The following DHX15 variants were observed in gnomAD, a reference collection of about 807,000 sequenced individuals.
DHX15 encodes DEAH-box helicase 15, also known as ATP-dependent RNA helicase DHX15.
A neutral mutation model predicts 94.4 loss-of-function variants in DHX15; 11 were observed. The observed-to-expected ratio is 0.12, with a 90% confidence interval of 0.07 to 0.19. DHX15 has a LOEUF of 0.19. Ranked by LOEUF, DHX15 falls within the 10% of genes least tolerant of loss-of-function variation. The pLI, the probability that DHX15 is intolerant of heterozygous loss-of-function variation, is 1.00. For missense variants in DHX15, 304 were observed against 988.5 expected, an observed-to-expected ratio of 0.31 and a Z score of 9.29; for synonymous variants, 338 against 329.9, an observed-to-expected ratio of 1.02 and a Z score of -0.27.
At chr4:24,582,897 T>A (rs1392566138) in intron 1 of DHX15, among the ~76,000 whole-genome samples, 1 of 152,208 alleles carries the variant, frequency 6.6e-6, no homozygotes, top group African/African-American at 2.4e-5. Context: ...TGTCATTGTC[T>A]TTTTTACAAT....
Position 24,527,931 on chromosome 4 carries a change from T to C in DHX15, c.2381A>G (p.Gln794Arg). ...CAGTTCTAAGCACTGAATTCAGTACTGTGAATATTCCTTGGATTGAAGTTT... is the reference window on the plus strand; with the variant it reads ...CAGTTCTAAGCACTGAATTCAGTACCGTGAATATTCCTTGGATTGAAGTTT... ...IAKLQSKEYS[Q>R]Y The change falls in exon 14 of 14, where the codon CAG becomes CGG. Residue 794 changes from glutamine (Q) to arginine (R), a missense_variant. Gln to Arg is a conservative substitution (Grantham distance 43, BLOSUM62 1). This residue lies in a region of DHX15 where 14 missense variants were observed against 17.3 expected (regional missense o/e 0.81). Transcript: ENST00000336812. 1 of 1,609,312 alleles carries C rather than the reference T, an allele frequency of 6.2e-7. No homozygotes were observed. The highest frequency in any genetic ancestry group is 8.5e-7 in the Non-Finnish European group (1 of 1,175,668).
At chr4:24,548,042 T>C (rs552335292) in intron 6 of DHX15, among the ~76,000 whole-genome samples, 3 of 149,350 alleles carry the variant, frequency 2.0e-5, no homozygotes, top group South Asian at 4.2e-4. Context: ...ATCTCAGAAA[T>C]AGGGCTGAAA....
intron 3 of DHX15, among the ~76,000 whole-genome samples, chr4:24,562,212 T>C (rs1185358398): frequency 1.4e-5 from 2 of 147,018 alleles, no homozygotes; most frequent in Non-Finnish European, 3.0e-5. Flanking sequence ...CCTGCACATA[T>C]ACCCTTGAAC....
At chr4:24,558,582 A>G (rs1721793133) in intron 3 of DHX15, among the ~76,000 whole-genome samples, 1 of 152,160 alleles carries the variant, frequency 6.6e-6, no homozygotes, top group Non-Finnish European at 1.5e-5. Flanking sequence ...GTACTTAGTT[A>G]AATGGCCAAA....
At chr4:24,580,981 T>G (rs557801660) in intron 1 of DHX15, 1 of 152,188 alleles carries the variant, frequency 6.6e-6, no homozygotes, top group South Asian at 2.1e-4. Flanking sequence ...AAATAAGTGA[T>G]GTCATACCTT....
At chr4:24,561,903 G>A (rs1051201751) in intron 3 of DHX15, among the ~76,000 whole-genome samples, 4 of 152,114 alleles carry the variant, frequency 2.6e-5, no homozygotes, top group African/African-American at 9.7e-5. Flanking sequence ...GGCCGAAGCA[G>A]GTCAATCACT....
intron 10 of DHX15, chr4:24,538,692 T>A (rs946727679): frequency 1.3e-5 from 2 of 152,088 alleles, no homozygotes; most frequent in African/African-American, 4.8e-5. Context: ...AAATGCTCAT[T>A]CTCCTGACAA....
At chr4:24,550,436 G>A (rs954749886) in intron 5 of DHX15, among the ~76,000 whole-genome samples, 7 of 151,894 alleles carry the variant, frequency 4.6e-5, no homozygotes, top group East Asian at 3.9e-4. Context: ...CAAACACACC[G>A]TATGGCTGTG....
chr4:24,564,942 A>G (rs968196745), intron 3 of DHX15, among the ~76,000 whole-genome samples: 8 of 152,250 alleles, frequency 5.3e-5, no homozygotes, highest in African/African-American at 1.9e-4. Flanking sequence ...ATCAAACCAT[A>G]CAGCTTTGTT....
chr4:24,529,628 C>T lies in DHX15; in HGVS notation c.2243G>A (p.Arg748Gln). Residue 748 changes from arginine (R) to glutamine (Q), a missense_variant, in exon 13 of 14, where the codon CGG (arginine) becomes CAG (glutamine). Transcript: ENST00000336812. ...TTCTGGCTTGATATCTGTACATGTC[C>T]GGATGTAATTCTTTGTTGTTAGAAC... ...EFVLTTKNYI[R>Q]TCTDIKPEWL... 1 of 1,614,100 alleles carries T rather than the reference C, an allele frequency of 6.2e-7. No homozygotes were observed. The highest frequency in any genetic ancestry group is 8.5e-7 in the Non-Finnish European group (1 of 1,180,012).
intron 4 of DHX15, among the ~76,000 whole-genome samples, chr4:24,555,144 A>C (rs1303142574): frequency 6.6e-6 from 1 of 152,188 alleles, no homozygotes; most frequent in East Asian, 1.9e-4. Context: ...TTTAGAAAAA[A>C]AATAAATGCA....
At chr4:24,571,936 T>C (rs752570019) in intron 2 of DHX15, among the ~76,000 whole-genome samples, 1 of 152,188 alleles carries the variant, frequency 6.6e-6, no homozygotes, top group African/African-American at 2.4e-5. Flanking sequence ...ATCTATCGGG[T>C]TCTGTAAATC....
chr4:24,578,426 T>C (rs1452122261), intron 1 of DHX15, among the ~76,000 whole-genome samples: 1 of 151,340 alleles, frequency 6.6e-6, no homozygotes. Context: ...GTTCAAATAC[T>C]TGACACCTTA....
chr4:24,541,627 TGTAA>T (rs1339532612), intron 8 of DHX15, among the ~76,000 whole-genome samples: 1 of 152,098 alleles, frequency 6.6e-6, no homozygotes, highest in Admixed American at 6.6e-5. Flanking sequence ...ACATAGTATA[TGTAA>T]GTAAGGTTCA....
At chr4:24,566,960 C>T (rs1211983275) in intron 3 of DHX15, among the ~76,000 whole-genome samples, 2 of 152,214 alleles carry the variant, frequency 1.3e-5, no homozygotes, top group Admixed American at 1.3e-4. Flanking sequence ...TTTTTATTTG[C>T]TTTAACAAGA....
intron 13 of DHX15, among the ~76,000 whole-genome samples, chr4:24,529,246 A>G (rs1721029246): frequency 6.6e-6 from 1 of 152,054 alleles, no homozygotes. Context: ...GCTATATTGC[A>G]CAGGCTGGTC....
At chr4:24,576,826 C>T in intron 1 of DHX15, 148 bp from the exon 2 acceptor site, 4 of 1,259,174 alleles carry the variant, frequency 3.2e-6, no homozygotes, top group Non-Finnish European at 4.3e-6. Flanking sequence ...TAAAAAATAC[C>T]CTACAATCAA....
At chr4:24,566,872 T>C (rs1722005711) in intron 3 of DHX15, among the ~76,000 whole-genome samples, 1 of 152,142 alleles carries the variant, frequency 6.6e-6, no homozygotes, top group African/African-American at 2.4e-5. Context: ...CCTAAACTTA[T>C]TCTCAAATCA....
At chr4:24,530,755 C>G (rs1721066792) in intron 12 of DHX15, 1 of 151,902 alleles carries the variant, frequency 6.6e-6, no homozygotes, top group Non-Finnish European at 1.5e-5. Flanking sequence ...TGATACTCAT[C>G]AAAATGGACA....
Sources: allele counts gnomAD v4.1 joint callset (sites outside exome capture counted in the v4.1 genomes callset), GRCh38; gene constraint gnomAD v4.1.1; regional missense constraint gnomAD v4.1.1; transcripts MANE v1.5; gene names NCBI Gene and HGNC (gene_info 2026-07-23, HGNC 2026-07-21).